The following MORC1 variants were observed in gnomAD, a reference collection of about 807,000 sequenced individuals.
MORC1 encodes the protein MORC family CW-type zinc finger 1, also known as MORC family CW-type zinc finger protein 1.
A neutral mutation model predicts 134.9 loss-of-function variants in MORC1; 59 were observed. The ratio of observed to expected loss-of-function variants is 0.44; its 90% CI spans 0.35 to 0.54. The LOEUF (loss-of-function observed/expected upper bound fraction) is 0.54. MORC1 is among the 20% of genes least tolerant of loss of function. The probability of loss-of-function intolerance (pLI) is 0.00; values close to 1 mark genes in which losing one functional copy is unlikely to be tolerated. For missense variants in MORC1, 947 were observed against 1,134.5 expected (o/e 0.83, Z 2.37); for synonymous variants, 395 against 391.7 (o/e 1.01, Z -0.10).
In MORC1 at chr3:109,028,026, G is replaced by A. The variant is rs560850275; in HGVS notation, c.1566-137C>T. 3.2e-6 allele frequency: 3 copies of A among 946,076 alleles called. No homozygotes were observed. The East Asian group carries it at 8.0e-5, about 25-fold the overall frequency. 58.6% of individuals were successfully genotyped at this position (946,076 alleles called of 1,614,324 possible). On this transcript the variant is annotated intron_variant, in intron 16 of 27. Transcript: ENST00000232603. ...AATTCAAATAGGAAGGAAAAGCATTGTATCCGTGGCTTTCGATAACAAATA... is the reference window on the plus strand; with the variant it reads ...AATTCAAATAGGAAGGAAAAGCATTATATCCGTGGCTTTCGATAACAAATA...
intron 14 of MORC1, among the ~76,000 whole-genome samples, chr3:109,038,556 T>A (rs1439364158): frequency 6.6e-6 from 1 of 152,156 alleles, no homozygotes; most frequent in Non-Finnish European, 1.5e-5. Flanking sequence ...TCTTCTAGGG[T>A]TTTTATGGTT....
chr3:109,108,480 T>C (rs1038627447), intron 3 of MORC1, among the ~76,000 whole-genome samples: 2 of 152,180 alleles, frequency 1.3e-5, no homozygotes, highest in African/African-American at 4.8e-5. Flanking sequence ...TACTGCCCTA[T>C]TATAATTCTC....
intron 13 of MORC1, among the ~76,000 whole-genome samples, chr3:109,055,199 T>G (rs1345365187): frequency 4.6e-5 from 7 of 152,178 alleles, no homozygotes; most frequent in African/African-American, 1.7e-4. Context: ...AAAACCATGG[T>G]GCCTTACTGC....
chr3:108,962,433 G>C (rs1947105527), intron 27 of MORC1, among the ~76,000 whole-genome samples: 1 of 152,168 alleles, frequency 6.6e-6, no homozygotes, highest in Non-Finnish European at 1.5e-5. Flanking sequence ...CAAGGTCCAT[G>C]TTCTTCACAC....
At chr3:109,040,829 C>CAAAAAAAA (rs59122147) in intron 14 of MORC1, among the ~76,000 whole-genome samples, 14 of 108,584 alleles carry the variant, frequency 1.3e-4, no homozygotes, top group African/African-American at 2.7e-4. Flanking sequence ...AACTCTGTGT[C>CAAAAAAAA]AAAAAAAAAA....
chr3:109,017,130 T>C (rs1458185656), intron 17 of MORC1, among the ~76,000 whole-genome samples: 1 of 150,430 alleles, frequency 6.6e-6, no homozygotes, highest in Middle Eastern at 3.2e-3. Context: ...TCATCCCACC[T>C]GGCTTTCCCT....
intron 27 of MORC1, among the ~76,000 whole-genome samples, chr3:108,960,472 A>G (rs1336774805): frequency 6.6e-6 from 1 of 152,226 alleles, no homozygotes. Context: ...ATGGCTACCT[A>G]GAGGTGGAAG....
At chr3:109,061,931 A>C in intron 11 of MORC1, 57 bp downstream of exon 11, 2 of 1,497,740 alleles carry the variant, frequency 1.3e-6, no homozygotes, top group Non-Finnish European at 1.9e-6. Flanking sequence ...TATGCACAGG[A>C]AAAAGCAAAT....
intron 10 of MORC1, among the ~76,000 whole-genome samples, chr3:109,062,736 C>T (rs13097950): frequency 0.15 from 22,945 of 152,034 alleles, 1,885 homozygotes; most frequent in African/African-American, 0.21. Flanking sequence ...AGTGCTATGA[C>T]AAGCAGGGTT....
intron 23 of MORC1, 23 bp downstream of exon 23, chr3:108,984,693 T>C (rs370312012): frequency 2.8e-5 from 42 of 1,525,146 alleles, no homozygotes; most frequent in African/African-American, 5.5e-5. Context: ...CACTTGGAAT[T>C]TGTATAACTG....
At chr3:109,083,485 A>G (rs1292436090) in intron 8 of MORC1, among the ~76,000 whole-genome samples, 1 of 152,176 alleles carries the variant, frequency 6.6e-6, no homozygotes, top group East Asian at 1.9e-4. Flanking sequence ...AGATAGTAAT[A>G]TAGTGCTGGG....
At position 109,062,851 on chromosome 3, in the gene MORC1, A is replaced by C. The variant is rs116224557; in HGVS notation, c.895+301T>G. 1.4e-3 allele frequency among the ~76,000 whole-genome samples: 214 copies of C among 152,234 alleles called. 1 individual carries two copies. The highest frequency in any genetic ancestry group is 6.8e-3 in the Middle Eastern group (2 of 294). On this transcript the variant is annotated intron_variant, in intron 10 of 27. Coordinates refer to ENST00000232603, the MANE Select transcript of MORC1 (RefSeq NM_014429.4). ...GTAATTCTCCCATCTTGTCCTCCCAAAGTGCTTGAATTATAGGTGTGAGCC... is the reference window on the plus strand; with the variant it reads ...GTAATTCTCCCATCTTGTCCTCCCACAGTGCTTGAATTATAGGTGTGAGCC...
chr3:109,001,181 G>A (rs1182892169), intron 20 of MORC1, among the ~76,000 whole-genome samples: 2 of 151,840 alleles, frequency 1.3e-5, no homozygotes, highest in African/African-American at 2.4e-5. Context: ...CACCCAGGCT[G>A]GAGTGCAGTG....
At chr3:109,093,685 T>C (rs1950772831) in intron 7 of MORC1, 144 bp from the exon 8 acceptor site, 1 of 618,848 alleles carries the variant, frequency 1.6e-6, no homozygotes, top group East Asian at 2.8e-5. Context: ...GCTAACTCTT[T>C]GGCTAAGCCA....
intron 8 of MORC1, among the ~76,000 whole-genome samples, chr3:109,081,723 G>C (rs1446390461): frequency 6.6e-6 from 1 of 152,162 alleles, no homozygotes; most frequent in African/African-American, 2.4e-5. Flanking sequence ...AAAGTGCTGG[G>C]ATTACAGGCG....
chr3:109,039,255 A>G (rs1323817726), intron 14 of MORC1, among the ~76,000 whole-genome samples: 2 of 152,160 alleles, frequency 1.3e-5, no homozygotes, highest in Admixed American at 6.5e-5. Context: ...AGTATTTACT[A>G]TATCAAAGCA....
At chr3:109,077,576 A>T (rs1950446004) in intron 8 of MORC1, among the ~76,000 whole-genome samples, 1 of 152,144 alleles carries the variant, frequency 6.6e-6, no homozygotes, top group Non-Finnish European at 1.5e-5. Context: ...TAATGGAGCA[A>T]CTAATTTGCA....
chr3:109,009,207 G>T (rs75630498), intron 17 of MORC1, among the ~76,000 whole-genome samples: 43,370 of 117,860 alleles, frequency 0.37, 7,705 homozygotes, highest in Middle Eastern at 0.47. Flanking sequence ...GTTTTTTGTT[G>T]TTTTTTTTTT....
intron 23 of MORC1, among the ~76,000 whole-genome samples, chr3:108,981,927 G>C (rs9852784): frequency 0.19 from 29,589 of 152,106 alleles, 3,339 homozygotes; most frequent in Middle Eastern, 0.32. Context: ...AAACTAAAGA[G>C]CTTCTGCACA....
Sources: allele counts gnomAD v4.1 joint callset (sites outside exome capture counted in the v4.1 genomes callset), GRCh38; gene constraint gnomAD v4.1.1; transcripts MANE v1.5; gene names NCBI Gene and HGNC (gene_info 2026-07-23, HGNC 2026-07-21).